CPA6: variants seen among roughly 807,000 people sequenced by gnomAD.
The protein encoded by CPA6 is carboxypeptidase B.
In CPA6, 58 loss-of-function variants were observed where a neutral mutation model predicts 63.3. The observed-to-expected ratio is 0.92, with a 90% CI of 0.74 to 1.14. The LOEUF (loss-of-function observed/expected upper bound fraction) is 1.14, where lower values mean the gene tolerates loss of function less well. Ranked by LOEUF, CPA6 falls within the 50% of genes most tolerant of loss-of-function variation. The pLI is 0.00. For synonymous variants in CPA6, 185 were observed against 179.0 expected (o/e 1.03, Z -0.27); for missense variants, 565 against 526.6 (o/e 1.07, Z -0.71).
chr8:67,475,117 G>C (rs1202186773), intron 8 of CPA6, among the ~76,000 whole-genome samples: 1 of 152,212 alleles, frequency 6.6e-6, no homozygotes, highest in East Asian at 1.9e-4. Context: ...TAAAATAAGA[G>C]TGAGAAATAC....
At chr8:67,581,359 G>A (rs1051219004) in intron 2 of CPA6, among the ~76,000 whole-genome samples, 1 of 152,152 alleles carries the variant, frequency 6.6e-6, no homozygotes, top group Non-Finnish European at 1.5e-5. Flanking sequence ...TAGCCGTAAT[G>A]TACAAAGTAC....
chr8:67,455,501 G>A (rs1042267211), intron 8 of CPA6, among the ~76,000 whole-genome samples: 1 of 151,540 alleles, frequency 6.6e-6, no homozygotes, highest in African/African-American at 2.4e-5. Flanking sequence ...ATTAGTATGG[G>A]TGTGCTTGGA....
intron 2 of CPA6, among the ~76,000 whole-genome samples, chr8:67,616,064 T>G (rs1814939981): frequency 6.6e-6 from 1 of 152,128 alleles, no homozygotes; most frequent in African/African-American, 2.4e-5. Context: ...GAGTTTGAAG[T>G]CTATACCCTA....
intron 6 of CPA6, among the ~76,000 whole-genome samples, chr8:67,505,375 G>A (rs953010301): frequency 1.3e-5 from 2 of 152,194 alleles, no homozygotes; most frequent in African/African-American, 4.8e-5. Context: ...AGTAAATTTA[G>A]ATGTTGTAAA....
At chr8:67,533,106 T>C (rs1436128743) in intron 2 of CPA6, among the ~76,000 whole-genome samples, 3 of 152,158 alleles carry the variant, frequency 2.0e-5, no homozygotes, top group Admixed American at 2.0e-4. Flanking sequence ...TTGTTTCTAG[T>C]TTAACTGGAA....
intron 2 of CPA6, among the ~76,000 whole-genome samples, chr8:67,610,054 CAAAACAAAAA>C (rs1200915187): frequency 1.6e-5 from 2 of 122,924 alleles, no homozygotes; most frequent in Non-Finnish European, 3.4e-5. Flanking sequence ...CAAAACAAAA[CAAAACAAAAA>C]CCCCCCAAAA....
chr8:67,578,671 A>T (rs571782181), intron 2 of CPA6, among the ~76,000 whole-genome samples: 1 of 152,350 alleles, frequency 6.6e-6, no homozygotes, highest in South Asian at 2.1e-4. Context: ...TTGCACAGAA[A>T]GGATTGGTTC....
chr8:67,740,791 A>C (rs1817897915), intron 1 of CPA6, among the ~76,000 whole-genome samples: 1 of 152,112 alleles, frequency 6.6e-6, no homozygotes, highest in Admixed American at 6.5e-5. Flanking sequence ...GATGGTCTCG[A>C]ACTCCTGACC....
At chr8:67,432,210 C>T (rs1046705303) in intron 9 of CPA6, among the ~76,000 whole-genome samples, 1 of 152,162 alleles carries the variant, frequency 6.6e-6, no homozygotes, top group Non-Finnish European at 1.5e-5. Context: ...CCATCCTTCA[C>T]CCTCTGAGGA....
intron 2 of CPA6, among the ~76,000 whole-genome samples, chr8:67,519,531 T>C (rs57312956): frequency 0.16 from 23,618 of 152,246 alleles, 5,152 homozygotes; most frequent in African/African-American, 0.49. Context: ...GAAAATAAAC[T>C]TCTAATGATA....
At chr8:67,432,695 C>A (rs1015013919) in intron 9 of CPA6, among the ~76,000 whole-genome samples, 3 of 152,142 alleles carry the variant, frequency 2.0e-5, no homozygotes, top group African/African-American at 7.2e-5. Context: ...AATGTCTGGA[C>A]TCAAATGATC....
At chr8:67,544,343 G>T (rs1812769391) in intron 2 of CPA6, among the ~76,000 whole-genome samples, 1 of 152,180 alleles carries the variant, frequency 6.6e-6, no homozygotes, top group Admixed American at 6.5e-5. Context: ...CGCTTCCGTG[G>T]ATGCTAAGCT....
intron 1 of CPA6, among the ~76,000 whole-genome samples, chr8:67,673,353 T>TTTATTATTATTATTATTATTATTA (rs71253021): frequency 2.1e-5 from 3 of 140,116 alleles, no homozygotes; most frequent in African/African-American, 8.4e-5. Context: ...TCTCTTTCAA[T>TTTATTATTATTATTATTATTATTA]TTATTATTAT....
rs190589031 is a variant in CPA6 at position 67,440,360 on chromosome 8, C to T, written c.839-6120G>A. Among the ~76,000 whole-genome samples, 29 of 152,204 alleles carry T rather than the reference C, an allele frequency of 1.9e-4. No individual in the cohort carries two copies. In the East Asian group the frequency reaches 5.6e-3, roughly 29 times the overall value. On this transcript the variant is annotated intron_variant, in intron 8 of 10. Transcript: ENST00000297770. ...CTGAAGCGGGCGGATCACTTGAGGT[C>T]AGGAGTTTGAGACCAGCCTGGCCAA... is the stretch of plus-strand genomic sequence containing the variant.
At chr8:67,688,362 A>G (rs1816747512) in intron 1 of CPA6, among the ~76,000 whole-genome samples, 2 of 152,176 alleles carry the variant, frequency 1.3e-5, no homozygotes, top group African/African-American at 2.4e-5. Context: ...AATATTTGAG[A>G]AGGTCAAGGA....
chr8:67,533,131 T>A (rs1812513919), intron 2 of CPA6, among the ~76,000 whole-genome samples: 1 of 152,166 alleles, frequency 6.6e-6, no homozygotes, highest in Admixed American at 6.5e-5. Flanking sequence ...AACCACTCAA[T>A]CATGGAATTT....
At chr8:67,602,885 G>A (rs938487019) in intron 2 of CPA6, among the ~76,000 whole-genome samples, 1 of 152,136 alleles carries the variant, frequency 6.6e-6, no homozygotes, top group Non-Finnish European at 1.5e-5. Context: ...AATTAAATGA[G>A]CTAACATTTT....
At chr8:67,641,667 A>G (rs763159039) in intron 1 of CPA6, among the ~76,000 whole-genome samples, 13 of 152,224 alleles carry the variant, frequency 8.5e-5, no homozygotes, top group Non-Finnish European at 1.5e-4. Flanking sequence ...ACTTTTCTTC[A>G]AAGTCAAGAA....
chr8:67,682,557 C>T (rs1816620407), intron 1 of CPA6, among the ~76,000 whole-genome samples: 1 of 152,196 alleles, frequency 6.6e-6, no homozygotes, highest in Non-Finnish European at 1.5e-5. Flanking sequence ...TTTTCCTGCG[C>T]TTTTGCATTC....
Sources: allele counts gnomAD v4.1 joint callset (sites outside exome capture counted in the v4.1 genomes callset), GRCh38; gene constraint gnomAD v4.1.1; transcripts MANE v1.5; gene names NCBI Gene and HGNC (gene_info 2026-07-23, HGNC 2026-07-21).